Variants in SPTBN2 observed in about 807,000 individuals in gnomAD.
SPTBN2 encodes the protein spectrin beta chain, non-erythrocytic 2.
Under a neutral mutation model 284.2 loss-of-function variants are expected in SPTBN2, and 107 were observed. That is an observed-to-expected ratio of 0.38 (90% confidence interval 0.32 to 0.44). The LOEUF is 0.44. Ranked by LOEUF, SPTBN2 falls within the 20% of genes least tolerant of loss-of-function variation. The pLI, the probability that SPTBN2 is intolerant of heterozygous loss-of-function variation, is 1.00. For synonymous variants in SPTBN2, 1,289 were observed against 1,354.8 expected, an observed-to-expected ratio of 0.95 and a Z score of 1.07; for missense variants, 2,569 against 3,287.1, an observed-to-expected ratio of 0.78 and a Z score of 5.34.
intron 5 of SPTBN2, 80 bp from the exon 6 acceptor site, chr11:66,714,487 G>A (rs1942044050): frequency 1.6e-6 from 2 of 1,255,944 alleles, no homozygotes; most frequent in Non-Finnish European, 2.3e-6. Flanking sequence ...TAAATGGCAG[G>A]AAACTGCTCT....
In SPTBN2 at chr11:66,704,713, A is replaced by G. The variant is rs769855444; in HGVS notation, c.2563T>C (p.Tyr855His). 1 of 1,606,480 alleles carries G rather than the reference A, an allele frequency of 6.2e-7. No individual in the cohort carries two copies. The highest frequency in any genetic ancestry group is 8.5e-7 in the Non-Finnish European group (1 of 1,177,146). ...ARALEAALAL[Y>H]TMLSEAGACG... ...GCCCCGGCCTCGCTGAGCATGGTGT[A>G]GAGCGCCAGGGCTGCCTCCAAGGCC... is the stretch of plus-strand genomic sequence containing the variant. The change falls in exon 15 of 38, where the codon TAC becomes CAC. Residue 855 changes from tyrosine to histidine, a missense_variant. Physicochemically the swap from Tyr to His is moderately conservative, Grantham distance 83 (BLOSUM62 2). Around this residue, in one of 6 missense-constraint regions of SPTBN2, gnomAD observed 1,012 missense variants for 1,248.9 expected, o/e 0.81. Coordinates refer to ENST00000533211, the MANE Select transcript of SPTBN2 (RefSeq NM_006946.4).
chr11:66,683,815 G>A lies in SPTBN2; in HGVS notation c.*2056C>T, dbSNP rs143463404. ...GTGCCCCCAGGCTTGCCAGCTTGGA[G>A]TGCAAATACCTAGATTCCCTGAGCA... is the stretch of plus-strand genomic sequence containing the variant. On this transcript the variant is annotated 3_prime_UTR_variant, in exon 38 of 38. Transcript: ENST00000533211. Among the ~76,000 whole-genome samples the A allele has an allele frequency of 6.6e-6, 1 of 152,340 alleles. No homozygotes were observed. Among genetic ancestry groups the A allele is most frequent in the African/African-American group, 2.4e-5 (1 of 41,566 alleles).
At chr11:66,704,036 G>A (rs1182916753) in intron 15 of SPTBN2, among the ~76,000 whole-genome samples, 1 of 142,562 alleles carries the variant, frequency 7.0e-6, no homozygotes, top group Non-Finnish European at 1.5e-5. Context: ...GCAGTGGCAC[G>A]ATCTCGGCTC....
rs1169360224 is a variant in SPTBN2 at position 66,708,198 on chromosome 11, G to T, written c.1293C>A (p.Asp431Glu). The change falls in exon 12 of 38, where the codon GAC (aspartate) becomes GAA (glutamate). Residue 431 changes from aspartate to glutamate, a missense_variant. Around this residue, in one of 6 missense-constraint regions of SPTBN2, gnomAD observed 1,012 missense variants for 1,248.9 expected, o/e 0.81. Coordinates refer to ENST00000533211, the MANE Select transcript of SPTBN2 (RefSeq NM_006946.4). The surrounding 1 kb of genome is among the most constrained non-coding windows in gnomAD (Gnocchi z 4.4). ...AGGTCTCCCGCATGGCAGCCTTGCG[G>T]TCGAAGCGGGCGGCCAGCTGCTCCA... The part of the protein sequence containing the change: ...EKLEQLAARF[D>E]RKAAMRETWL... 6.2e-7 allele frequency: 1 copy of T among 1,612,414 alleles called. No individual in the cohort carries two copies. Among genetic ancestry groups the T allele is most frequent in the Admixed American group, 1.7e-5 (1 of 59,998 alleles).
chr11:66,730,011 A>T (rs1942778080), upstream of SPTBN2, among the ~76,000 whole-genome samples: 1 of 151,998 alleles, frequency 6.6e-6, no homozygotes, highest in Admixed American at 6.6e-5. Flanking sequence ...CATGTTGGCC[A>T]GGCTGTTCTT....
At chr11:66,688,577 T>C in intron 31 of SPTBN2, 76 bp downstream of exon 31, 3 of 1,579,262 alleles carry the variant, frequency 1.9e-6, no homozygotes, top group South Asian at 1.1e-5. Context: ...AGAGAAGACA[T>C]GTCTTCTCCA....
Position 66,700,609 on chromosome 11 carries a change from G to A in SPTBN2, c.3490C>T (p.Arg1164Trp), listed in dbSNP as rs781771093. ...TGGGCCTGGGCCAGGCGACCTTGCCGGCTCTCCCACATTCGGCCCAGCTCC... is the reference window on the plus strand; with the variant it reads ...TGGGCCTGGGCCAGGCGACCTTGCCAGCTCTCCCACATTCGGCCCAGCTCC... ...WEELGRMWES[R>W]QGRLAQAHGF... The change falls in exon 17 of 38, where the codon CGG (arginine) becomes TGG (tryptophan). Residue 1164 changes from arginine to tryptophan, a missense_variant. Arg to Trp is a moderately radical substitution (Grantham distance 101). Coordinates refer to ENST00000533211, the MANE Select transcript of SPTBN2 (RefSeq NM_006946.4). This position sits in a 1 kb window ranked among gnomAD's most constrained non-coding sequence, Gnocchi z 6.6. The A allele has an allele frequency of 2.5e-6, 4 of 1,608,088 alleles. No individual in the cohort carries two copies. Among genetic ancestry groups the A allele is most frequent in the Non-Finnish European group, 8.5e-7 (1 of 1,179,984 alleles).
Position 66,708,324 on chromosome 11 carries a change from G to A in SPTBN2, c.1192-25C>T. The A allele has an allele frequency of 6.4e-7, 1 of 1,562,622 alleles. No homozygotes were observed. Among genetic ancestry groups the A allele is most frequent in the Non-Finnish European group, 8.7e-7 (1 of 1,149,922 alleles). On this transcript the variant is annotated intron_variant, in intron 11 of 37. Coordinates refer to ENST00000533211, the MANE Select transcript of SPTBN2 (RefSeq NM_006946.4). The surrounding 1 kb of genome is among the most constrained non-coding windows in gnomAD (Gnocchi z 4.4). ...CCTATGGGGTGGGGACAGGGTTAGT[G>A]GAAGGGACAGGGTGGGGAGGGCTCA...
rs953677645 is a variant in SPTBN2 at position 66,687,984 on chromosome 11, C to A, written c.6450+20G>T. On this transcript the variant is annotated intron_variant, in intron 33 of 37. Coordinates refer to ENST00000533211, the MANE Select transcript of SPTBN2 (RefSeq NM_006946.4). This position sits in a 1 kb window ranked among gnomAD's most constrained non-coding sequence, Gnocchi z 5.2. ...AGGGGCTACGACTCCGATGGGGGCA[C>A]AGAGGGACAGTGGGGTCACCTGTGA... The A allele has an allele frequency of 6.2e-7, 1 of 1,614,100 alleles. No individual in the cohort carries two copies. The highest frequency in any genetic ancestry group is 8.5e-7 in the Non-Finnish European group (1 of 1,180,040).
intron 1 of SPTBN2, among the ~76,000 whole-genome samples, chr11:66,736,330 C>G (rs1259679796): frequency 6.6e-6 from 1 of 152,160 alleles, no homozygotes; most frequent in Non-Finnish European, 1.5e-5. Context: ...AATATTACAT[C>G]CATTTATCTT....
chr11:66,706,798 A>C (rs1348657907), intron 13 of SPTBN2, among the ~76,000 whole-genome samples: 1 of 150,490 alleles, frequency 6.6e-6, no homozygotes. Flanking sequence ...GCACCTGGTT[A>C]ATTTCTGTAT....
chr11:66,727,818 T>TCCGCCCCGC (rs1942675541), intron 1 of SPTBN2, among the ~76,000 whole-genome samples: 1 of 150,404 alleles, frequency 6.6e-6, no homozygotes. Flanking sequence ...CGCCGGCCCG[T>TCCGCCCCGC]CCGCCCCGCA....
At position 66,721,065 on chromosome 11, in the gene SPTBN2, G is replaced by C. The variant is rs183896567; in HGVS notation, c.157+19C>G. ...GCCTCCTCCAGCATCCCCCCACCTC[G>C]ACCCTCCTCTGACCTCACCTGCCAG... On this transcript the variant is annotated intron_variant, in intron 3 of 37. Transcript: ENST00000533211. 1.2e-6 allele frequency: 2 copies of C among 1,614,066 alleles called. No individual in the cohort carries two copies. Among genetic ancestry groups the C allele is most frequent in the East Asian group, 2.2e-5 (1 of 44,876 alleles).
rs369767963 is a variant in SPTBN2 at position 66,693,139 on chromosome 11, G to A, written c.4855-39C>T. The A allele has an allele frequency of 6.2e-7, 1 of 1,614,102 alleles. No individual in the cohort carries two copies. Among genetic ancestry groups the A allele is most frequent in the Non-Finnish European group, 8.5e-7 (1 of 1,180,042 alleles). On this transcript the variant is annotated intron_variant, in intron 24 of 37. Coordinates refer to ENST00000533211, the MANE Select transcript of SPTBN2 (RefSeq NM_006946.4). This position sits in a 1 kb window ranked among gnomAD's most constrained non-coding sequence, Gnocchi z 5.7. Reference sequence around the variant, plus strand: ...CAGTGGCATCCAGCATCAGGTCAGGGGAGGGCAGAACTGGTCACATACACT... The same window carrying A: ...CAGTGGCATCCAGCATCAGGTCAGGAGAGGGCAGAACTGGTCACATACACT...
intron 30 of SPTBN2, 50 bp downstream of exon 30, chr11:66,689,046 C>T: frequency 1.3e-6 from 2 of 1,561,774 alleles, no homozygotes; most frequent in Non-Finnish European, 1.7e-6. Context: ...CCACAGGGTG[C>T]AGGATGCCCC....
In SPTBN2 at chr11:66,690,295, C is replaced by A; in HGVS notation, c.5566-12G>T. The A allele has an allele frequency of 6.3e-7, 1 of 1,598,962 alleles. No homozygotes were observed. On this transcript the variant is annotated splice_polypyrimidine_tract_variant and intron_variant, in intron 27 of 37. Coordinates refer to ENST00000533211, the MANE Select transcript of SPTBN2 (RefSeq NM_006946.4). Reference sequence around the variant, plus strand: ...TGCACCTGCTGGACCTGCGGAGCCCCGGGTCAGAGTCAGGCAGAGCGGGGG... The same window carrying A: ...TGCACCTGCTGGACCTGCGGAGCCCAGGGTCAGAGTCAGGCAGAGCGGGGG...
chr11:66,700,932 C>T lies in SPTBN2; in HGVS notation c.3167G>A (p.Arg1056His), dbSNP rs374715276. 94 of 1,602,942 alleles carry T rather than the reference C, an allele frequency of 5.9e-5. No individual in the cohort carries two copies. Among genetic ancestry groups the T allele is most frequent in the South Asian group, 1.1e-4 (10 of 91,086 alleles). ...CGCCTCCCCCAGCGACTCTTCTCGA[C>T]GCCGCATGGTGGCCCTGAGGTCCTC... The part of the protein sequence containing the change: ...GWEDLRATMR[R>H]REESLGEARR... Residue 1056 changes from arginine to histidine, a missense_variant, in exon 17 of 38, where the codon CGT becomes CAT. Coordinates refer to ENST00000533211, the MANE Select transcript of SPTBN2 (RefSeq NM_006946.4). The surrounding 1 kb of genome is among the most constrained non-coding windows in gnomAD (Gnocchi z 6.6).
At chr11:66,723,331 C>T (rs149785652) in intron 1 of SPTBN2, among the ~76,000 whole-genome samples, 1 of 152,194 alleles carries the variant, frequency 6.6e-6, no homozygotes, top group East Asian at 1.9e-4. Context: ...TCTCCTAGCC[C>T]TACTTCCTAG....
intron 1 of SPTBN2, among the ~76,000 whole-genome samples, chr11:66,727,585 T>C (rs1238057700): frequency 6.6e-6 from 1 of 151,760 alleles, no homozygotes; most frequent in East Asian, 2.0e-4. Flanking sequence ...ACGCGGCCGC[T>C]TCCCCGCCGC....
Sources: allele counts gnomAD v4.1 joint callset (sites outside exome capture counted in the v4.1 genomes callset), GRCh38; gene constraint gnomAD v4.1.1; regional missense constraint gnomAD v4.1.1; non-coding constraint Gnocchi (gnomAD v3.1); transcripts MANE v1.5; gene names NCBI Gene and HGNC (gene_info 2026-07-23, HGNC 2026-07-21).